Variants in ZNF860 observed in about 807,000 individuals in gnomAD.
ZNF860 encodes the protein zinc finger protein 860.
For missense variants in ZNF860, 641 were observed against 759.2 expected (o/e 0.84, Z 1.83); for synonymous variants, 206 against 248.9 (o/e 0.83, Z 1.62).
chr3:31,986,792 C>G (rs534157580), intron 1 of ZNF860, among the ~76,000 whole-genome samples: 117 of 152,118 alleles, frequency 7.7e-4, no homozygotes, highest in African/African-American at 2.7e-3. Context: ...GGGAGGATTG[C>G]CCAGGAGTTC....
intron 1 of ZNF860, among the ~76,000 whole-genome samples, chr3:31,987,552 T>C (rs1467824933): frequency 6.6e-6 from 1 of 152,238 alleles, no homozygotes; most frequent in Admixed American, 6.5e-5. Flanking sequence ...ATGCTGGTTC[T>C]GGCTAGATCT....
chr3:32,002,244 C>T, the ZNF860 span, among the ~76,000 whole-genome samples: 1 of 152,144 alleles, frequency 6.6e-6, no homozygotes, highest in Non-Finnish European at 1.5e-5. Context: ...GCTGTCCACT[C>T]AACCAACCCA....
intron 1 of ZNF860, among the ~76,000 whole-genome samples, chr3:31,982,326 G>GA (rs1159045881): frequency 2.0e-5 from 3 of 151,946 alleles, no homozygotes; most frequent in Admixed American, 2.0e-4. Context: ...AAATTACCTA[G>GA]AAAAAAGCTT....
intron 1 of ZNF860, among the ~76,000 whole-genome samples, chr3:31,987,534 T>C (rs1698950738): frequency 6.6e-6 from 1 of 152,220 alleles, no homozygotes; most frequent in South Asian, 2.1e-4. Flanking sequence ...TCTGAACCAA[T>C]GTTTACTATG....
chr3:32,004,280 G>T, the ZNF860 span, among the ~76,000 whole-genome samples: 5 of 152,148 alleles, frequency 3.3e-5, no homozygotes, highest in African/African-American at 9.7e-5. Context: ...CCTGAGGGCA[G>T]TGTGGACCTG....
chr3:31,992,598 C>T (rs764073603), downstream of ZNF860, among the ~76,000 whole-genome samples: 1 of 152,314 alleles, frequency 6.6e-6, no homozygotes, highest in South Asian at 2.1e-4. Context: ...TTCTCTGACT[C>T]TGACCCTCCT....
At chr3:31,987,085 T>A (rs1163939287) in intron 1 of ZNF860, among the ~76,000 whole-genome samples, 1 of 150,330 alleles carries the variant, frequency 6.7e-6, no homozygotes, top group Non-Finnish European at 1.5e-5. Flanking sequence ...TATACTTTTA[T>A]ATATGTATGT....
Position 31,990,843 on chromosome 3 carries a change from T to C in ZNF860, c.1764T>C (p.His588=). 1.3e-6 allele frequency: 2 copies of C among 1,586,412 alleles called. No individual in the cohort carries two copies. The highest frequency in any genetic ancestry group is 8.6e-7 in the Non-Finnish European group (1 of 1,165,074). The part of the protein sequence containing the change: ...ASSYAKQRRI[H]MGEKHHKCDD... ...CTTATGCAAAACAAAGGAGAATTCA[T>C]ATGGGAGAGAAACATCACAAGTGTG... The change falls in exon 2 of 2, where the codon CAT becomes CAC. Residue 588 remains histidine, a synonymous_variant. Transcript: ENST00000360311.
chr3:31,989,145 A>T lies in ZNF860; in HGVS notation c.66A>T (p.Gly22=). ...AGCCAGGCATGGCTCTTCCTCAGGG[A>T]CACTTGACTTTTAGGGATGTGGCTA... The part of the protein sequence containing the change: ...EKEPGMALPQ[G]HLTFRDVAIE... The change falls in exon 2 of 2, where the codon GGA becomes GGT. Residue 22 remains glycine, a synonymous_variant. Coordinates refer to ENST00000360311, the MANE Select transcript of ZNF860 (RefSeq NM_001137674.3). The T allele has an allele frequency of 6.2e-7, 1 of 1,614,174 alleles. No homozygotes were observed. The highest frequency in any genetic ancestry group is 8.5e-7 in the Non-Finnish European group (1 of 1,180,030).
chr3:32,000,454 C>T, the ZNF860 span, among the ~76,000 whole-genome samples: 1 of 152,212 alleles, frequency 6.6e-6, no homozygotes, highest in Admixed American at 6.5e-5. Context: ...CACCCCACCA[C>T]ACCAGTGGGC....
At chr3:31,983,946 T>G (rs1174152755) in intron 1 of ZNF860, among the ~76,000 whole-genome samples, 4 of 152,148 alleles carry the variant, frequency 2.6e-5, no homozygotes, top group Non-Finnish European at 5.9e-5. Flanking sequence ...GTTTAACAAT[T>G]GTAGGGCCAG....
downstream of ZNF860, among the ~76,000 whole-genome samples, chr3:31,992,506 T>G (rs1699044955): frequency 6.6e-6 from 1 of 152,210 alleles, no homozygotes; most frequent in Non-Finnish European, 1.5e-5. Context: ...ATCTAGAGGC[T>G]GCCCACATTC....
the ZNF860 span, among the ~76,000 whole-genome samples, chr3:31,999,451 C>T: frequency 6.7e-6 from 1 of 149,862 alleles, no homozygotes; most frequent in Non-Finnish European, 1.5e-5. Flanking sequence ...ACCTCTGCCT[C>T]TTGGGTTCAA....
downstream of ZNF860, among the ~76,000 whole-genome samples, chr3:31,995,433 C>T (rs1699081516): frequency 6.6e-6 from 1 of 152,194 alleles, no homozygotes; most frequent in Admixed American, 6.5e-5. Flanking sequence ...TTTATAGGCT[C>T]TCTGCAAGAA....
At chr3:31,996,445 T>C (rs1288079818), downstream of ZNF860, among the ~76,000 whole-genome samples, 1 of 152,198 alleles carries the variant, frequency 6.6e-6, no homozygotes, top group African/African-American at 2.4e-5. Flanking sequence ...TCTCTGCATC[T>C]AAATATGAGC....
chr3:31,990,112 A>C lies in ZNF860; in HGVS notation c.1033A>C (p.Lys345Gln). The change falls in exon 2 of 2, where the codon AAG becomes CAG. Residue 345 changes from lysine to glutamine, a missense_variant. Coordinates refer to ENST00000360311, the MANE Select transcript of ZNF860 (RefSeq NM_001137674.3). ...IHTGEKPYKC[K>Q]VCEKAFRRDS... Reference sequence around the variant, plus strand: ...TACTGGAGAGAAACCATACAAATGTAAGGTTTGTGAAAAGGCTTTCAGGCG... The same window carrying C: ...TACTGGAGAGAAACCATACAAATGTCAGGTTTGTGAAAAGGCTTTCAGGCG... The C allele has an allele frequency of 6.2e-7, 1 of 1,611,686 alleles. No individual in the cohort carries two copies.
At chr3:31,986,088 G>A (rs114736026) in intron 1 of ZNF860, among the ~76,000 whole-genome samples, 61 of 152,264 alleles carry the variant, frequency 4.0e-4, no homozygotes, top group African/African-American at 1.4e-3. Context: ...ACAGCTCAGT[G>A]CCTGGAATTC....
downstream of ZNF860, among the ~76,000 whole-genome samples, chr3:31,993,208 T>C (rs1230024352): frequency 6.6e-6 from 1 of 150,666 alleles, no homozygotes; most frequent in Non-Finnish European, 1.5e-5. Context: ...TTTTATTTTA[T>C]TTTATTTTAT....
intron 1 of ZNF860, among the ~76,000 whole-genome samples, chr3:31,982,711 A>G (rs1000505626): frequency 2.6e-5 from 4 of 152,160 alleles, no homozygotes; most frequent in Non-Finnish European, 5.9e-5. Context: ...TCAGAGCTGA[A>G]TTCTAACCTA....
Sources: allele counts gnomAD v4.1 joint callset (sites outside exome capture counted in the v4.1 genomes callset), GRCh38; gene constraint gnomAD v4.1.1; transcripts MANE v1.5; gene names NCBI Gene and HGNC (gene_info 2026-07-23, HGNC 2026-07-21).